The following ATF7IP variants were observed in gnomAD, a reference collection of about 807,000 sequenced individuals.
ATF7IP encodes activating transcription factor 7 interacting protein.
In ATF7IP, 23 loss-of-function variants were observed where a neutral mutation model predicts 106.4. The observed-to-expected ratio is 0.22, with a 90% confidence interval of 0.16 to 0.31. The LOEUF (loss-of-function observed/expected upper bound fraction) is 0.31, where lower values mean the gene tolerates loss of function less well. ATF7IP is among the 10% of genes least tolerant of loss of function. The pLI, the probability that ATF7IP is intolerant of heterozygous loss-of-function variation, is 1.00. For synonymous variants in ATF7IP, 542 were observed against 539.0 expected (o/e 1.01, Z -0.08); for missense variants, 1,334 against 1,524.3 (o/e 0.88, Z 2.08).
intron 13 of ATF7IP, among the ~76,000 whole-genome samples, chr12:14,486,333 C>T (rs1944610549): frequency 6.6e-6 from 1 of 152,134 alleles, no homozygotes; most frequent in African/African-American, 2.4e-5. Flanking sequence ...CTGGTCATTT[C>T]CCTTTCCCCA....
chr12:14,413,114 G>T (rs916868550), intron 1 of ATF7IP, among the ~76,000 whole-genome samples: 1 of 152,200 alleles, frequency 6.6e-6, no homozygotes, highest in Non-Finnish European at 1.5e-5. Flanking sequence ...GGTGAGGGCA[G>T]ATATCTTTTG....
chr12:14,478,871 G>C (rs537662835), intron 12 of ATF7IP, among the ~76,000 whole-genome samples: 5 of 152,250 alleles, frequency 3.3e-5, no homozygotes, highest in South Asian at 2.1e-4. Flanking sequence ...GAAATGCTGA[G>C]TTTAAAGCTA....
rs1260038334 is a variant in ATF7IP at position 14,481,132 on chromosome 12, T to C, written c.3227T>C (p.Leu1076Ser). 2 of 1,614,032 alleles carry C rather than the reference T, an allele frequency of 1.2e-6. No homozygotes were observed. The highest frequency in any genetic ancestry group is 1.7e-5 in the Admixed American group (1 of 60,010). Reference sequence around the variant, plus strand: ...CCTGCACCACCAGCTCAGGCTCCCTTGCGAGGAACTGTTATGCAGGCTCCT... The same window carrying C: ...CCTGCACCACCAGCTCAGGCTCCCTCGCGAGGAACTGTTATGCAGGCTCCT... Reference protein sequence around the residue: ...TLPAPPAQAPLRGTVMQAPAV... With the variant: ...TLPAPPAQAPSRGTVMQAPAV... The change falls in exon 13 of 15, where the codon TTG becomes TCG. Residue 1076 changes from leucine (L) to serine (S), a missense_variant. This residue lies in a region of ATF7IP where 370 missense variants were observed against 401.2 expected (regional missense o/e 0.92). Transcript: ENST00000261168.
intron 13 of ATF7IP, among the ~76,000 whole-genome samples, chr12:14,488,553 A>G (rs1273468073): frequency 6.6e-6 from 1 of 152,134 alleles, no homozygotes; most frequent in African/African-American, 2.4e-5. Flanking sequence ...ACTGACTCAA[A>G]TGTTAATCTC....
chr12:14,446,399 C>T (rs894472994), intron 5 of ATF7IP, among the ~76,000 whole-genome samples: 3 of 152,244 alleles, frequency 2.0e-5, no homozygotes, highest in South Asian at 2.1e-4. Flanking sequence ...CCACCTGCCT[C>T]GGCCTCCTAA....
At position 14,424,082 on chromosome 12, in the gene ATF7IP, C is replaced by T. The variant is rs1364273269; in HGVS notation, c.167C>T (p.Thr56Ile). The change falls in exon 2 of 15, where the codon ACC (threonine) becomes ATC (isoleucine). Residue 56 changes from threonine to isoleucine, a missense_variant. Physicochemically the swap from Thr to Ile is moderately conservative, Grantham distance 89 (BLOSUM62 -1). This residue lies in a region of ATF7IP where 74 missense variants were observed against 101.9 expected (regional missense o/e 0.73). Transcript: ENST00000261168. The part of the protein sequence containing the change: ...GNHENGDLDP[T>I]SPLENMDYIK... ...CATGAAAATGGAGATTTGGACCCAA[C>T]CTCACCTTTGGAAAACATGGATTAC... is the stretch of plus-strand genomic sequence containing the variant. 5 of 1,614,028 alleles carry T rather than the reference C, an allele frequency of 3.1e-6. No individual in the cohort carries two copies. In the South Asian group the frequency reaches 5.5e-5, roughly 18 times the overall value.
chr12:14,407,021 T>C (rs1437241601), intron 1 of ATF7IP, among the ~76,000 whole-genome samples: 1 of 152,250 alleles, frequency 6.6e-6, no homozygotes, highest in Non-Finnish European at 1.5e-5. Context: ...CTTTTGTTAC[T>C]TAAAATGGTT....
intron 10 of ATF7IP, among the ~76,000 whole-genome samples, chr12:14,473,288 C>CTGTATG (rs796814505): frequency 0.19 from 26,865 of 140,064 alleles, 3,105 homozygotes; most frequent in Admixed American, 0.32. Flanking sequence ...CTCTCTCTCT[C>CTGTATG]TCTGTGTGTG....
chr12:14,490,949 GC>G (rs1944795881), intron 13 of ATF7IP, among the ~76,000 whole-genome samples: 1 of 151,920 alleles, frequency 6.6e-6, no homozygotes, highest in African/African-American at 2.4e-5. Context: ...TTCCACCAAA[GC>G]CCCTTTAACA....
chr12:14,401,163 T>G (rs1940169482), intron 1 of ATF7IP, among the ~76,000 whole-genome samples: 1 of 152,180 alleles, frequency 6.6e-6, no homozygotes, highest in South Asian at 2.1e-4. Context: ...CACTATTTAT[T>G]TCAAAATCCA....
At chr12:14,427,555 G>C (rs1233837715) in intron 2 of ATF7IP, among the ~76,000 whole-genome samples, 2 of 152,016 alleles carry the variant, frequency 1.3e-5, no homozygotes, top group East Asian at 3.9e-4. Flanking sequence ...TAGTAGAGTC[G>C]GGGTTTCATC....
intron 8 of ATF7IP, among the ~76,000 whole-genome samples, chr12:14,459,639 C>T (rs1943564112): frequency 6.6e-6 from 1 of 152,146 alleles, no homozygotes; most frequent in Non-Finnish European, 1.5e-5. Flanking sequence ...ATTGCAAACT[C>T]CCTGAAAGGG....
In ATF7IP at chr12:14,484,428, G is replaced by T. The variant is rs554061634; in HGVS notation, c.3280+3243G>T. ...GGATACAAATATCTTCATAGTTTTT[G>T]TTACAACCCATAAATATATATAATC... On this transcript the variant is annotated intron_variant, in intron 13 of 14. Coordinates refer to ENST00000261168, the MANE Select transcript of ATF7IP (RefSeq NM_018179.5). Among the ~76,000 whole-genome samples the T allele has an allele frequency of 7.2e-5, 11 of 152,264 alleles. No homozygotes were observed. The East Asian group carries it at 1.9e-3, about 27-fold the overall frequency.
chr12:14,490,505 C>A (rs1944778226), intron 13 of ATF7IP, among the ~76,000 whole-genome samples: 1 of 152,246 alleles, frequency 6.6e-6, no homozygotes, highest in South Asian at 2.1e-4. Context: ...GCCTGATGCA[C>A]TGCTCCAAGT....
chr12:14,402,127 C>CTTTTTTTTT (rs11297116), intron 1 of ATF7IP, among the ~76,000 whole-genome samples: 3 of 101,874 alleles, frequency 2.9e-5, no homozygotes, highest in South Asian at 3.4e-4. Flanking sequence ...TTTCTTCTTT[C>CTTTTTTTTT]TTTTTTTTTT....
At chr12:14,386,919 A>G (rs563537845) in intron 1 of ATF7IP, among the ~76,000 whole-genome samples, 3 of 152,134 alleles carry the variant, frequency 2.0e-5, no homozygotes, top group Non-Finnish European at 4.4e-5. Context: ...ACATGACTTA[A>G]CAGTTTAAAA....
intron 5 of ATF7IP, among the ~76,000 whole-genome samples, chr12:14,442,512 G>A (rs947220826): frequency 6.6e-6 from 1 of 152,174 alleles, no homozygotes; most frequent in Non-Finnish European, 1.5e-5. Context: ...AGAGGAGTTT[G>A]TTGAGATCAG....
intron 10 of ATF7IP, among the ~76,000 whole-genome samples, chr12:14,473,288 C>CTGTATGTA (rs796814505): frequency 4.3e-5 from 6 of 140,350 alleles, no homozygotes. Context: ...CTCTCTCTCT[C>CTGTATGTA]TCTGTGTGTG....
rs1317605770 is a variant in ATF7IP at position 14,494,313 on chromosome 12, ATATATATATATATATATATATG to A, written c.3281-1916_3281-1895del. On this transcript the variant is annotated intron_variant, in intron 13 of 14. Transcript: ENST00000261168. ...TATATATATATATATATATATATAT[ATATATATATATATATATATATG>A]TGTGTGTGTATATGTATATATACAC... Among the ~76,000 whole-genome samples the A allele has an allele frequency of 1.6e-3, 149 of 92,672 alleles. 5 individuals are homozygous for A. The highest frequency in any genetic ancestry group is 6.6e-3 in the African/African-American group (140 of 21,272). The allele number at this position is 92,672 out of a possible 152,430, so 60.8% of individuals were successfully genotyped here.
Sources: gnomAD v4.1 joint callset for allele counts (sites outside exome capture counted in the v4.1 genomes callset) on GRCh38, gnomAD v4.1.1 for gene constraint, gnomAD v4.1.1 regional missense constraint, MANE v1.5 for transcripts, NCBI Gene and HGNC (gene_info 2026-07-23, HGNC 2026-07-21) for gene names.